ARSK: variants seen among roughly 807,000 people sequenced by gnomAD.
ARSK encodes arylsulfatase K.
Under a neutral mutation model 53.2 loss-of-function variants are expected in ARSK, and 37 were observed. That is an observed-to-expected ratio of 0.70 (90% CI 0.54 to 0.92). The LOEUF is 0.92. Ranked by LOEUF, ARSK falls within the 40% of genes least tolerant of loss-of-function variation. The pLI is 0.00. For missense variants in ARSK, 613 were observed against 643.0 expected (o/e 0.95, Z 0.51); for synonymous variants, 208 against 223.2 (o/e 0.93, Z 0.61).
intron 1 of ARSK, among the ~76,000 whole-genome samples, chr5:95,563,783 C>G (rs1244507649): frequency 6.6e-6 from 1 of 152,148 alleles, no homozygotes; most frequent in Admixed American, 6.5e-5. Context: ...ACCTTGTGAC[C>G]TTCTGCTCCA....
intron 2 of ARSK, among the ~76,000 whole-genome samples, chr5:95,566,750 G>T (rs1580216551): frequency 1.3e-5 from 2 of 152,164 alleles, no homozygotes; most frequent in South Asian, 4.1e-4. Context: ...TCTATCTATT[G>T]TCTGATGGTT....
chr5:95,582,778 A>T, intron 3 of ARSK, 138 bp from the exon 4 acceptor site: 1 of 785,588 alleles, frequency 1.3e-6, no homozygotes, highest in Non-Finnish European at 1.9e-6. Context: ...TCTTTTTGAG[A>T]TCTAATATAG....
intron 3 of ARSK, among the ~76,000 whole-genome samples, chr5:95,572,649 G>T (rs575727089): frequency 6.6e-6 from 1 of 152,252 alleles, no homozygotes; most frequent in East Asian, 1.9e-4. Context: ...GTGGTGGCGG[G>T]CCCCTGTAGT....
At chr5:95,561,224 C>T (rs1044843216) in intron 1 of ARSK, among the ~76,000 whole-genome samples, 2 of 152,210 alleles carry the variant, frequency 1.3e-5, no homozygotes, top group Non-Finnish European at 2.9e-5. Flanking sequence ...CACAGTGAGA[C>T]ACCAGTTATA....
intron 3 of ARSK, among the ~76,000 whole-genome samples, chr5:95,572,318 G>C (rs941957462): frequency 1.6e-4 from 24 of 152,170 alleles, no homozygotes; most frequent in Non-Finnish European, 5.9e-5. Context: ...AGTCAGATGA[G>C]CTTTCACTAG....
intron 5 of ARSK, among the ~76,000 whole-genome samples, chr5:95,587,665 G>A (rs1749143669): frequency 1.3e-5 from 2 of 152,176 alleles, no homozygotes; most frequent in Admixed American, 6.5e-5. Context: ...CCAGCACTTT[G>A]GGAGGCTGAG....
intron 3 of ARSK, among the ~76,000 whole-genome samples, chr5:95,569,916 A>C (rs937496208): frequency 6.6e-6 from 1 of 152,206 alleles, no homozygotes; most frequent in African/African-American, 2.4e-5. Flanking sequence ...TGACATTCCT[A>C]TTCTTTACTC....
At chr5:95,574,052 C>T (rs1043579327) in intron 3 of ARSK, among the ~76,000 whole-genome samples, 10 of 151,978 alleles carry the variant, frequency 6.6e-5, no homozygotes, top group East Asian at 5.8e-4. Flanking sequence ...CATTCTGCTT[C>T]GATTGTTTAA....
chr5:95,588,736 A>AGCGGATCAC (rs1221723606), intron 5 of ARSK, among the ~76,000 whole-genome samples: 3 of 151,954 alleles, frequency 2.0e-5, no homozygotes, highest in Non-Finnish European at 2.9e-5. Context: ...GGCCGAGGCA[A>AGCGGATCAC]GCGGATCACA....
chr5:95,574,679 T>C (rs923331255), intron 3 of ARSK, among the ~76,000 whole-genome samples: 2 of 150,078 alleles, frequency 1.3e-5, no homozygotes, highest in Non-Finnish European at 3.0e-5. Flanking sequence ...GCCCATTATT[T>C]AATCCGATTA....
intron 3 of ARSK, among the ~76,000 whole-genome samples, chr5:95,568,343 A>G (rs1282895731): frequency 3.9e-5 from 6 of 152,094 alleles, no homozygotes; most frequent in Non-Finnish European, 8.8e-5. Context: ...TGGCTACTGT[A>G]TTATTAATTT....
Position 95,603,221 on chromosome 5 carries a change from A to T in ARSK, c.1322-16A>T. The T allele has an allele frequency of 3.3e-6, 5 of 1,526,586 alleles. No homozygotes were observed. The highest frequency in any genetic ancestry group is 4.4e-6 in the Non-Finnish European group (5 of 1,140,130). 94.6% of individuals were successfully genotyped at this position (1,526,586 alleles called of 1,614,324 possible). Reference sequence around the variant, plus strand: ...CAGGTCACTATTTTGACAGATACTTATTTTTTTTCTTTCAGATCTTTCCTC... The same window carrying T: ...CAGGTCACTATTTTGACAGATACTTTTTTTTTTTCTTTCAGATCTTTCCTC... On this transcript the variant is annotated splice_polypyrimidine_tract_variant and intron_variant, in intron 7 of 7. Coordinates refer to ENST00000380009, the MANE Select transcript of ARSK (RefSeq NM_198150.3).
intron 6 of ARSK, among the ~76,000 whole-genome samples, chr5:95,596,431 A>G (rs1280051789): frequency 6.6e-6 from 1 of 152,176 alleles, no homozygotes; most frequent in Non-Finnish European, 1.5e-5. Flanking sequence ...GGAGAGGCTT[A>G]TAAAGAAAAA....
intron 5 of ARSK, among the ~76,000 whole-genome samples, chr5:95,591,132 A>G (rs761511352): frequency 1.3e-5 from 2 of 152,174 alleles, no homozygotes; most frequent in Non-Finnish European, 2.9e-5. Flanking sequence ...GTAGAAACCT[A>G]GAAAACAAGC....
chr5:95,565,963 T>A (rs1258211229), intron 1 of ARSK, 35 bp from the exon 2 acceptor site: 58 of 1,555,988 alleles, frequency 3.7e-5, no homozygotes, highest in Non-Finnish European at 5.0e-5. Context: ...TCTTTGGTAA[T>A]GTAATCAATG....
At position 95,555,543 on chromosome 5, in the gene ARSK, AT is replaced by A; in HGVS notation, c.126+143del. 1.1e-6 allele frequency: 1 copy of A among 941,402 alleles called. No individual in the cohort carries two copies. The highest frequency in any genetic ancestry group is 1.5e-6 in the Non-Finnish European group (1 of 670,828). The allele number at this position is 941,402 out of a possible 1,614,324, so 58.3% of individuals were successfully genotyped here. A position where few individuals can be genotyped will look rare whatever the true frequency, so the allele number is the denominator to read the frequency against. On this transcript the variant is annotated intron_variant, in intron 1 of 7. Coordinates refer to ENST00000380009, the MANE Select transcript of ARSK (RefSeq NM_198150.3). The surrounding 1 kb of genome is among the most constrained non-coding windows in gnomAD (Gnocchi z 4.0). ...TACCCCGATGCAAAGAAAGAAATACATTTTATGTGAGGCCCCGTGTACTCAC... is the reference window on the plus strand; with the variant it reads ...TACCCCGATGCAAAGAAAGAAATACATTTATGTGAGGCCCCGTGTACTCAC...
At chr5:95,596,720 A>C (rs1240279811) in intron 6 of ARSK, among the ~76,000 whole-genome samples, 2 of 152,160 alleles carry the variant, frequency 1.3e-5, no homozygotes, top group African/African-American at 4.8e-5. Context: ...GAAACTGAAT[A>C]AGAAAAACCA....
intron 3 of ARSK, among the ~76,000 whole-genome samples, chr5:95,576,811 A>T (rs77022723): frequency 0.06 from 9,092 of 152,076 alleles, 331 homozygotes; most frequent in East Asian, 0.11. Context: ...TTTTTGGCTC[A>T]AGTTCCATCT....
chr5:95,600,857 A>G lies in ARSK; in HGVS notation c.1107A>G (p.Gly369=). The G allele has an allele frequency of 6.2e-7, 1 of 1,613,510 alleles. No individual in the cohort carries two copies. The highest frequency in any genetic ancestry group is 2.2e-5 in the East Asian group (1 of 44,876). ...ATTTTTGTTACATAGATATTGCTGG[A>G]ATTCCTCTGCCTCAGAACCTGAGTG... ...DIYPTMLDIA[G]IPLPQNLSGY... The change falls in exon 7 of 8, where the codon GGA becomes GGG. Residue 369 remains glycine, a synonymous_variant. Transcript: ENST00000380009.
Sources: allele counts gnomAD v4.1 joint callset (sites outside exome capture counted in the v4.1 genomes callset), GRCh38; gene constraint gnomAD v4.1.1; non-coding constraint Gnocchi (gnomAD v3.1); transcripts MANE v1.5; gene names NCBI Gene and HGNC (gene_info 2026-07-23, HGNC 2026-07-21).